Variants in ABCD2 observed in about 807,000 individuals in gnomAD.
ABCD2 encodes the protein ATP binding cassette subfamily D member 2.
In ABCD2, 36 loss-of-function variants were observed where a neutral mutation model predicts 70.9. The observed-to-expected ratio is 0.51, with a 90% CI of 0.39 to 0.67. The LOEUF is 0.67. ABCD2 is among the 30% of genes least tolerant of loss of function. The pLI is 0.00. For synonymous variants in ABCD2, 304 were observed against 306.9 expected, an observed-to-expected ratio of 0.99 and a Z score of 0.10; for missense variants, 729 against 890.2, an observed-to-expected ratio of 0.82 and a Z score of 2.30.
rs534083325 is a variant in ABCD2, at chr12:39,568,214, A to G, written c.2003+5502T>C. Among the ~76,000 whole-genome samples the G allele has an allele frequency of 5.2e-3, 792 of 152,328 alleles. 3 individuals carry two copies. The highest frequency in any genetic ancestry group is 8.0e-3 in the Non-Finnish European group (547 of 68,036). On this transcript the variant is annotated intron_variant, in intron 9 of 9. Transcript: ENST00000308666. Reference sequence around the variant, plus strand: ...GAAGTTCTCCTGGATAATATCCTGCAGAGTGTTTTCCAACTTGATTCCATT... The same window carrying G: ...GAAGTTCTCCTGGATAATATCCTGCGGAGTGTTTTCCAACTTGATTCCATT...
the ABCD2 span, among the ~76,000 whole-genome samples, chr12:39,532,354 C>A: frequency 6.6e-6 from 1 of 152,184 alleles, no homozygotes; most frequent in African/African-American, 2.4e-5. Flanking sequence ...TGACATCTGA[C>A]ATTTGAAAAG....
At chr12:39,555,541 C>T (rs1389016041) in intron 9 of ABCD2, among the ~76,000 whole-genome samples, 2 of 152,154 alleles carry the variant, frequency 1.3e-5, no homozygotes, top group Non-Finnish European at 1.5e-5. Context: ...GTTTTACATT[C>T]TCCAAGTCAC....
intron 9 of ABCD2, among the ~76,000 whole-genome samples, chr12:39,567,505 A>T (rs1341761706): frequency 1.3e-5 from 2 of 151,906 alleles, no homozygotes; most frequent in Non-Finnish European, 2.9e-5. Context: ...CTATCCCTTT[A>T]TTTTGAGCCT....
chr12:39,597,702 A>G (rs1349310624), intron 6 of ABCD2, among the ~76,000 whole-genome samples: 2 of 152,232 alleles, frequency 1.3e-5, no homozygotes, highest in South Asian at 4.1e-4. Flanking sequence ...AATACTAAGC[A>G]TTTTAACATC....
chr12:39,605,796 T>C lies in ABCD2; in HGVS notation c.1237-866A>G, dbSNP rs372346099. 2.4e-4 allele frequency among the ~76,000 whole-genome samples: 36 copies of C among 152,248 alleles called. 1 individual carries two copies. The South Asian group carries it at 7.5e-3, about 32-fold the overall frequency. ...AGAATACACAAGAATAAGCAAGGTA[T>C]CTCAGAAATAAATGTTTCTTAATAA... On this transcript the variant is annotated intron_variant, in intron 3 of 9. Transcript: ENST00000308666.
At chr12:39,596,931 TACTTG>T (rs1246433551) in intron 6 of ABCD2, among the ~76,000 whole-genome samples, 9 of 152,166 alleles carry the variant, frequency 5.9e-5, no homozygotes, top group African/African-American at 1.9e-4. Context: ...ATCTTTAGAT[TACTTG>T]TAATACCTAA....
intron 3 of ABCD2, among the ~76,000 whole-genome samples, chr12:39,605,343 C>G (rs142818732): frequency 6.6e-6 from 1 of 151,808 alleles, no homozygotes; most frequent in Non-Finnish European, 1.5e-5. Flanking sequence ...GAGAAAAGTA[C>G]CTTTTTGTCC....
chr12:39,542,852 G>A, the ABCD2 span, among the ~76,000 whole-genome samples: 15 of 152,326 alleles, frequency 9.8e-5, no homozygotes, highest in African/African-American at 3.4e-4. Flanking sequence ...GAAAAGAAGG[G>A]AGGGGAGGAC....
At chr12:39,544,308 A>G in the ABCD2 span, among the ~76,000 whole-genome samples, 1 of 152,124 alleles carries the variant, frequency 6.6e-6, no homozygotes. Flanking sequence ...TCTGCAAAAT[A>G]TCTCAAGCAC....
intron 5 of ABCD2, among the ~76,000 whole-genome samples, chr12:39,602,167 A>T (rs985782570): frequency 1.5e-5 from 2 of 136,220 alleles, no homozygotes; most frequent in Non-Finnish European, 3.1e-5. Flanking sequence ...TTATTTATTT[A>T]TTTTTTATAC....
At chr12:39,576,813 A>G (rs1371806628) in intron 8 of ABCD2, among the ~76,000 whole-genome samples, 1 of 152,140 alleles carries the variant, frequency 6.6e-6, no homozygotes. Context: ...ATGTTTTTTT[A>G]TCTTGATTGG....
chr12:39,582,963 G>C (rs1213574311), intron 7 of ABCD2, among the ~76,000 whole-genome samples: 1 of 151,658 alleles, frequency 6.6e-6, no homozygotes, highest in Non-Finnish European at 1.5e-5. Context: ...GGGCTCAGGT[G>C]ATTCTCCCAC....
At position 39,616,978 on chromosome 12, in the gene ABCD2, A is replaced by G. The variant is rs1256066669; in HGVS notation, c.1120+10T>C. The G allele has an allele frequency of 1.3e-6, 2 of 1,571,514 alleles. No individual in the cohort carries two copies. The highest frequency in any genetic ancestry group is 1.7e-4 in the Middle Eastern group (1 of 5,878). The stretch of plus-strand genomic sequence containing the variant: ...AAAATATATTTGAGATTAAGCATAA[A>G]TGTCATTACCACCATCTGCAAAGCC... On this transcript the variant is annotated intron_variant, in intron 2 of 9. Coordinates refer to ENST00000308666, the MANE Select transcript of ABCD2 (RefSeq NM_005164.4).
intron 6 of ABCD2, among the ~76,000 whole-genome samples, chr12:39,595,848 CACTT>C (rs1243282510): frequency 6.6e-6 from 1 of 152,114 alleles, no homozygotes; most frequent in African/African-American, 2.4e-5. Flanking sequence ...AAAATTGTGT[CACTT>C]ACTTATAGAG....
At chr12:39,612,019 T>C (rs921364396) in intron 2 of ABCD2, among the ~76,000 whole-genome samples, 4 of 151,972 alleles carry the variant, frequency 2.6e-5, no homozygotes, top group African/African-American at 9.7e-5. Context: ...ATTAGAGAAA[T>C]GCAAAGTAAG....
chr12:39,551,643 A>G lies in ABCD2; in HGVS notation c.*2269T>C, dbSNP rs1941089345. 6.6e-6 allele frequency: 1 copy of G among 151,786 alleles called. No homozygotes were observed. Among genetic ancestry groups the G allele is most frequent in the African/African-American group, 2.4e-5 (1 of 41,410 alleles). The allele number at this position is 151,786 out of a possible 1,614,324, so 9.4% of individuals were successfully genotyped here. On this transcript the variant is annotated 3_prime_UTR_variant, in exon 10 of 10. Coordinates refer to ENST00000308666, the MANE Select transcript of ABCD2 (RefSeq NM_005164.4). ...AACATGTGCATATTAGAACTTTAACATTTAAATTACAGTGTACATAGTTTT... is the reference window on the plus strand; with the variant it reads ...AACATGTGCATATTAGAACTTTAACGTTTAAATTACAGTGTACATAGTTTT...
chr12:39,567,574 C>G (rs966277270), intron 9 of ABCD2, among the ~76,000 whole-genome samples: 2 of 152,226 alleles, frequency 1.3e-5, no homozygotes, highest in South Asian at 2.1e-4. Context: ...TGAGTCTTGA[C>G]TCTTTATCCA....
chr12:39,555,957 G>A (rs1166883400), intron 9 of ABCD2, among the ~76,000 whole-genome samples: 1 of 152,126 alleles, frequency 6.6e-6, no homozygotes, highest in Non-Finnish European at 1.5e-5. Flanking sequence ...CCATCGTCCT[G>A]GGCTTAGAGT....
chr12:39,586,343 A>C (rs1941666755), intron 6 of ABCD2, 46 bp from the exon 7 acceptor site: 5 of 1,578,072 alleles, frequency 3.2e-6, no homozygotes, highest in Middle Eastern at 1.7e-4. Context: ...AAGTCATGAT[A>C]ACTTACTCAG....
Sources: gnomAD v4.1 joint callset for allele counts (sites outside exome capture counted in the v4.1 genomes callset) on GRCh38, gnomAD v4.1.1 for gene constraint, MANE v1.5 for transcripts, NCBI Gene and HGNC (gene_info 2026-07-23, HGNC 2026-07-21) for gene names.